The following KLF7 variants were observed in gnomAD, a reference collection of about 807,000 sequenced individuals.
KLF7 encodes the protein Krueppel-like factor 7.
In KLF7, 2 loss-of-function variants were observed where a neutral mutation model predicts 27.3. The observed-to-expected ratio is 0.07, with a 90% confidence interval of 0.03 to 0.23. The LOEUF is 0.23. Among genes scored for constraint, KLF7 ranks in the 10% least tolerant of loss-of-function variants. The pLI is 1.00. For missense variants in KLF7, 221 were observed against 394.1 expected (o/e 0.56, Z 3.72); for synonymous variants, 165 against 162.4 (o/e 1.02, Z -0.12).
chr2:207,105,300 A>C (rs1330341045), intron 2 of KLF7, among the ~76,000 whole-genome samples: 2 of 152,290 alleles, frequency 1.3e-5, no homozygotes, highest in Non-Finnish European at 2.9e-5. Context: ...TGAAGGAGAA[A>C]CACCAGGTGA....
At chr2:207,099,550 C>CTATATATATATATA (rs1359258095) in intron 2 of KLF7, among the ~76,000 whole-genome samples, 12 of 22,848 alleles carry the variant, frequency 5.3e-4, no homozygotes, top group South Asian at 9.0e-4. Context: ...GCTACATATG[C>CTATATATATATATA]GATATATATA....
intron 2 of KLF7, among the ~76,000 whole-genome samples, chr2:207,111,795 GTTCAT>G (rs1173830152): frequency 6.6e-6 from 1 of 152,100 alleles, no homozygotes; most frequent in Admixed American, 6.5e-5. Context: ...ATGCACTGAT[GTTCAT>G]TTATCACTGG....
chr2:207,117,751 C>T (rs1158393887), intron 2 of KLF7, among the ~76,000 whole-genome samples: 5 of 152,188 alleles, frequency 3.3e-5, no homozygotes, highest in Non-Finnish European at 5.9e-5. Context: ...AATTACTATA[C>T]TATCACATTG....
At chr2:207,153,584 T>G (rs74860378) in intron 1 of KLF7, among the ~76,000 whole-genome samples, 8,633 of 152,050 alleles carry the variant, frequency 0.057, 351 homozygotes, top group Non-Finnish European at 0.087. Flanking sequence ...AAGAGCAAAG[T>G]GAGAAAAATA....
chr2:207,107,156 C>T (rs2076902993), intron 2 of KLF7, among the ~76,000 whole-genome samples: 1 of 152,178 alleles, frequency 6.6e-6, no homozygotes, highest in Non-Finnish European at 1.5e-5. Flanking sequence ...CATCTCACCT[C>T]TCACAGGTGA....
intron 2 of KLF7, among the ~76,000 whole-genome samples, chr2:207,113,282 TTA>T (rs566651384): frequency 1.7e-3 from 264 of 152,318 alleles, no homozygotes; most frequent in African/African-American, 5.7e-3. Flanking sequence ...GTCATTTGAG[TTA>T]TGTCTTCAAA....
At chr2:207,169,151 A>G (rs1267980524), upstream of KLF7, among the ~76,000 whole-genome samples, 1 of 152,148 alleles carries the variant, frequency 6.6e-6, no homozygotes, top group Non-Finnish European at 1.5e-5. Context: ...CGACTCCAAA[A>G]TCTGTCTTCT....
chr2:207,112,142 A>G (rs1023863380), intron 2 of KLF7, among the ~76,000 whole-genome samples: 1 of 85,522 alleles, frequency 1.2e-5, no homozygotes, highest in Non-Finnish European at 2.5e-5. Flanking sequence ...GTTCTTCATA[A>G]GTAAATGGCT....
chr2:207,165,926 C>G lies in KLF7; in HGVS notation c.-358G>C, dbSNP rs1375426194. On this transcript the variant is annotated 5_prime_UTR_variant, in exon 1 of 4. Transcript: ENST00000309446. ...ATGCAAACTCACTGACACGAAGCTG[C>G]CATCTATTTCTGCAGCGCTGTTCGC... The G allele has an allele frequency of 1.8e-6, 2 of 1,092,764 alleles. No homozygotes were observed. The highest frequency in any genetic ancestry group is 3.2e-5 in the African/African-American group (2 of 62,224). 67.7% of individuals were successfully genotyped at this position (1,092,764 alleles called of 1,614,324 possible).
intron 2 of KLF7, among the ~76,000 whole-genome samples, chr2:207,106,985 T>A (rs1196332614): frequency 6.6e-6 from 1 of 152,160 alleles, no homozygotes. Flanking sequence ...TCTTGGGATC[T>A]TCTAGGCTTC....
intron 1 of KLF7, among the ~76,000 whole-genome samples, chr2:207,160,228 C>T (rs756086712): frequency 1.7e-4 from 26 of 152,244 alleles, no homozygotes; most frequent in South Asian, 4.1e-4. Context: ...CATTCCGCCC[C>T]CCTACCCCCA....
At chr2:207,150,968 GCT>G (rs1039710738) in intron 1 of KLF7, among the ~76,000 whole-genome samples, 2 of 127,920 alleles carry the variant, frequency 1.6e-5, no homozygotes, top group African/African-American at 5.7e-5. Flanking sequence ...CCTGTCAAAA[GCT>G]CTGAGTGTAA....
At chr2:207,094,130 C>T (rs954661288) in intron 2 of KLF7, among the ~76,000 whole-genome samples, 1 of 152,200 alleles carries the variant, frequency 6.6e-6, no homozygotes, top group Non-Finnish European at 1.5e-5. Context: ...ATGTACTGTG[C>T]TATAAATTTG....
intron 2 of KLF7, among the ~76,000 whole-genome samples, chr2:207,100,139 A>G (rs2076730904): frequency 1.0e-5 from 1 of 99,606 alleles, no homozygotes; most frequent in Non-Finnish European, 2.1e-5. Context: ...CATGTCTCAA[A>G]AAAAAGAAGA....
chr2:207,128,073 C>T (rs2077529560), intron 1 of KLF7, among the ~76,000 whole-genome samples: 2 of 152,074 alleles, frequency 1.3e-5, no homozygotes, highest in African/African-American at 4.8e-5. Flanking sequence ...ATATCATTAT[C>T]CAATAAAGGG....
At chr2:207,153,261 T>G (rs1201571831) in intron 1 of KLF7, among the ~76,000 whole-genome samples, 1 of 152,036 alleles carries the variant, frequency 6.6e-6, no homozygotes, top group Non-Finnish European at 1.5e-5. Context: ...GTTCACATGG[T>G]TTATTCTTTT....
At chr2:207,102,126 TCA>T (rs59384224) in intron 2 of KLF7, among the ~76,000 whole-genome samples, 635 of 141,222 alleles carry the variant, frequency 4.5e-3, no homozygotes, top group Middle Eastern at 0.015. Flanking sequence ...ACATTCACAT[TCA>T]CACACACACA....
chr2:207,141,270 G>C (rs10168999), intron 1 of KLF7, among the ~76,000 whole-genome samples: 24,354 of 152,066 alleles, frequency 0.16, 2,305 homozygotes, highest in Middle Eastern at 0.24. Flanking sequence ...TTCAGACTCT[G>C]GACTGCAGTT....
At chr2:207,081,988 T>TTG (rs146593097) in intron 3 of KLF7, among the ~76,000 whole-genome samples, 79 of 151,116 alleles carry the variant, frequency 5.2e-4, no homozygotes, top group East Asian at 3.5e-3. Context: ...TTCTCACGCT[T>TTG]TGTGTGTGTG....
Sources: allele counts gnomAD v4.1 joint callset (sites outside exome capture counted in the v4.1 genomes callset), GRCh38; gene constraint gnomAD v4.1.1; transcripts MANE v1.5; gene names NCBI Gene and HGNC (gene_info 2026-07-23, HGNC 2026-07-21).